ATP11B: variants seen among roughly 807,000 people sequenced by gnomAD.
The protein encoded by ATP11B is phospholipid-transporting ATPase IF.
A neutral mutation model predicts 157.8 loss-of-function variants in ATP11B; 81 were observed. The ratio of observed to expected loss-of-function variants is 0.51; its 90% CI spans 0.43 to 0.62. The LOEUF (loss-of-function observed/expected upper bound fraction) is 0.62. ATP11B is among the 20% of genes least tolerant of loss of function. The pLI is 0.00. For synonymous variants in ATP11B, 451 were observed against 469.4 expected (o/e 0.96, Z 0.51); for missense variants, 1,165 against 1,402.2 (o/e 0.83, Z 2.70).
chr3:182,836,723 G>A (rs544419407), intron 6 of ATP11B: 4 of 485,530 alleles, frequency 8.2e-6, no homozygotes, highest in Non-Finnish European at 1.4e-5. Flanking sequence ...TTTACTATTT[G>A]TGGTACTTTT....
At chr3:182,840,764 A>G (rs1718945027) in intron 7 of ATP11B, among the ~76,000 whole-genome samples, 1 of 152,186 alleles carries the variant, frequency 6.6e-6, no homozygotes, top group Admixed American at 6.6e-5. Context: ...CCTTCAAAAT[A>G]CATCCAAAAT....
At chr3:182,821,706 GTTTAA>G (rs1455848700) in intron 2 of ATP11B, among the ~76,000 whole-genome samples, 8 of 152,176 alleles carry the variant, frequency 5.3e-5, no homozygotes, top group Admixed American at 5.2e-4. Flanking sequence ...AGAAACTGAA[GTTTAA>G]TTTAATTTTT....
chr3:182,872,933 G>A (rs1310338102), intron 18 of ATP11B, among the ~76,000 whole-genome samples: 3 of 152,146 alleles, frequency 2.0e-5, no homozygotes, highest in African/African-American at 7.2e-5. Context: ...TTGTGCCTAT[G>A]TTGGCCTTCT....
intron 10 of ATP11B, among the ~76,000 whole-genome samples, chr3:182,857,563 T>TAAA (rs35003893): frequency 3.5e-5 from 5 of 144,166 alleles, no homozygotes; most frequent in Admixed American, 6.8e-5. Context: ...GCTGAAAATG[T>TAAA]AAAAAAAAAA....
chr3:182,898,469 T>C (rs899807642), intron 27 of ATP11B, 138 bp from the exon 28 acceptor site: 10 of 553,308 alleles, frequency 1.8e-5, no homozygotes, highest in African/African-American at 3.9e-5. Flanking sequence ...GTTAGTTCAG[T>C]TAATTAAATT....
At chr3:182,800,307 A>G (rs573785797) in intron 1 of ATP11B, among the ~76,000 whole-genome samples, 3 of 151,396 alleles carry the variant, frequency 2.0e-5, no homozygotes, top group East Asian at 2.0e-4. Context: ...CTGCAACCCC[A>G]AACTCCTGGG....
At chr3:182,859,469 C>A in intron 12 of ATP11B, 110 bp downstream of exon 12, 1 of 923,100 alleles carries the variant, frequency 1.1e-6, no homozygotes, top group Non-Finnish European at 1.5e-6. Flanking sequence ...CAAAAACAAC[C>A]CCCCTTTGCT....
At chr3:182,828,792 T>C (rs573652324) in intron 3 of ATP11B, among the ~76,000 whole-genome samples, 1 of 151,964 alleles carries the variant, frequency 6.6e-6, no homozygotes, top group African/African-American at 2.4e-5. Context: ...TATATATGTA[T>C]ATAAAATCAA....
At chr3:182,872,321 A>C (rs1474758140) in intron 17 of ATP11B, 35 bp from the exon 18 acceptor site, 1 of 1,436,590 alleles carries the variant, frequency 7.0e-7, no homozygotes, top group African/African-American at 1.4e-5. Flanking sequence ...GTTTGTGTTC[A>C]ATTTTTGTCT....
chr3:182,843,931 T>A (rs906771825), intron 8 of ATP11B: 1 of 152,334 alleles, frequency 6.6e-6, no homozygotes. Context: ...AGCAAGATCT[T>A]TGTATGTGTA....
chr3:182,796,900 C>T (rs970128263), intron 1 of ATP11B, among the ~76,000 whole-genome samples: 1 of 152,196 alleles, frequency 6.6e-6, no homozygotes, highest in Non-Finnish European at 1.5e-5. Flanking sequence ...ATAACTGTTT[C>T]TTAAACTGTT....
intron 1 of ATP11B, among the ~76,000 whole-genome samples, chr3:182,819,109 C>G (rs891013321): frequency 1.3e-4 from 17 of 135,938 alleles, no homozygotes; most frequent in African/African-American, 4.4e-4. Flanking sequence ...CGGAGTCTCT[C>G]CCCGTGTCCC....
intron 29 of ATP11B, chr3:182,917,806 A>C (rs532641531): frequency 4.3e-5 from 42 of 984,212 alleles, no homozygotes; most frequent in Middle Eastern, 5.2e-4. Flanking sequence ...ATTTTGGCTA[A>C]TATTTTTATA....
At chr3:182,882,408 G>GC (rs1337355221) in intron 21 of ATP11B, among the ~76,000 whole-genome samples, 2 of 151,584 alleles carry the variant, frequency 1.3e-5, no homozygotes, top group Non-Finnish European at 2.9e-5. Flanking sequence ...ATACATTCAA[G>GC]CATCTGGAAA....
rs546546085 is a variant in ATP11B at position 182,819,262 on chromosome 3, G to T, written c.28-998G>T. Among the ~76,000 whole-genome samples the T allele has an allele frequency of 4.6e-4, 69 of 151,534 alleles. 1 individual carries two copies. Among genetic ancestry groups the T allele is most frequent in the Admixed American group, 2.6e-3 (40 of 15,252 alleles). ...TTTTTTTGTATTTTTTAGTAGAGAC[G>T]GGGTTTCACCATGTTGGCCAGGATG... is the stretch of plus-strand genomic sequence containing the variant. On this transcript the variant is annotated intron_variant, in intron 1 of 29. Coordinates refer to ENST00000323116, the MANE Select transcript of ATP11B (RefSeq NM_014616.3).
chr3:182,854,079 A>G (rs1720186242), intron 10 of ATP11B, among the ~76,000 whole-genome samples: 1 of 152,222 alleles, frequency 6.6e-6, no homozygotes, highest in African/African-American at 2.4e-5. Context: ...TGGATATTCA[A>G]ATGAGAAAAA....
chr3:182,838,784 A>T (rs1051678412), intron 7 of ATP11B, among the ~76,000 whole-genome samples: 2 of 145,906 alleles, frequency 1.4e-5, no homozygotes, highest in Admixed American at 1.4e-4. Context: ...TGTGCTATAT[A>T]TTATATATAT....
At chr3:182,819,555 A>G (rs1161632564) in intron 1 of ATP11B, among the ~76,000 whole-genome samples, 1 of 152,178 alleles carries the variant, frequency 6.6e-6, no homozygotes, top group Non-Finnish European at 1.5e-5. Flanking sequence ...GGTCTTCTCA[A>G]TCTGAGGTCA....
At chr3:182,897,932 GGTAA>G (rs1056222401) in intron 27 of ATP11B, among the ~76,000 whole-genome samples, 2 of 151,850 alleles carry the variant, frequency 1.3e-5, no homozygotes, top group African/African-American at 4.8e-5. Context: ...AAGATTCTTT[GGTAA>G]GTGATGGACA....
Sources: allele counts gnomAD v4.1 joint callset (sites outside exome capture counted in the v4.1 genomes callset), GRCh38; gene constraint gnomAD v4.1.1; transcripts MANE v1.5; gene names NCBI Gene and HGNC (gene_info 2026-07-23, HGNC 2026-07-21).